Variants in EPHA6 observed in about 807,000 individuals in gnomAD.
EPHA6 encodes ephrin type-A receptor 6.
Under a neutral mutation model 112.0 loss-of-function variants are expected in EPHA6, and 50 were observed. The ratio of observed to expected loss-of-function variants is 0.45; its 90% confidence interval spans 0.36 to 0.56. The LOEUF is 0.56. Ranked by LOEUF, EPHA6 falls within the 20% of genes least tolerant of loss-of-function variation. The pLI is 0.00. For missense variants in EPHA6, 1,280 were observed against 1,417.4 expected, an observed-to-expected ratio of 0.90 and a Z score of 1.56; for synonymous variants, 529 against 490.7, an observed-to-expected ratio of 1.08 and a Z score of -1.03.
intron 3 of EPHA6, among the ~76,000 whole-genome samples, chr3:97,173,567 T>G (rs2108433271): frequency 1.3e-5 from 2 of 151,986 alleles, no homozygotes; most frequent in Admixed American, 1.3e-4. Context: ...AACTACACTC[T>G]TAATTCTACA....
intron 3 of EPHA6, among the ~76,000 whole-genome samples, chr3:97,128,367 C>A (rs906478245): frequency 3.3e-5 from 5 of 152,148 alleles, no homozygotes; most frequent in Admixed American, 6.5e-5. Context: ...TGGGTAGGTA[C>A]CAGTAATGGG....
intron 6 of EPHA6, among the ~76,000 whole-genome samples, chr3:97,432,831 A>T (rs1401622423): frequency 6.6e-6 from 1 of 152,150 alleles, no homozygotes; most frequent in Admixed American, 6.5e-5. Flanking sequence ...CTCACTCACT[A>T]TCACGAGAAC....
intron 1 of EPHA6, among the ~76,000 whole-genome samples, chr3:96,845,458 GC>G (rs2035014681): frequency 6.6e-6 from 1 of 151,926 alleles, no homozygotes; most frequent in East Asian, 1.9e-4. Flanking sequence ...CTCTGATGAT[GC>G]CTCGCTGCTG....
rs1577392203 is a variant in EPHA6 at position 97,433,988 on chromosome 3, G to C, written c.1732-14580G>C. Among the ~76,000 whole-genome samples the C allele has an allele frequency of 4.6e-5, 7 of 152,220 alleles. No homozygotes were observed. The South Asian group carries it at 1.5e-3, about 32-fold the overall frequency. Reference sequence around the variant, plus strand: ...CCAAACACCTTAAATTTTTATGTTAGACTAAGTACTTTGAATTTCAGAGAT... The same window carrying C: ...CCAAACACCTTAAATTTTTATGTTACACTAAGTACTTTGAATTTCAGAGAT... On this transcript the variant is annotated intron_variant, in intron 6 of 17. Transcript: ENST00000389672.
At chr3:96,818,992 G>A (rs895359766) in intron 1 of EPHA6, among the ~76,000 whole-genome samples, 2 of 151,824 alleles carry the variant, frequency 1.3e-5, no homozygotes, top group African/African-American at 4.8e-5. Context: ...AGCATCCAAA[G>A]TACAAAGATA....
chr3:97,229,685 T>G (rs2108551765), intron 4 of EPHA6, among the ~76,000 whole-genome samples: 1 of 152,278 alleles, frequency 6.6e-6, no homozygotes, highest in Middle Eastern at 3.4e-3. Context: ...TTTTTTAAAC[T>G]TAACTAATGC....
Position 96,975,253 on chromosome 3 carries a change from G to A in EPHA6, c.451-12077G>A, listed in dbSNP as rs555555951. Among the ~76,000 whole-genome samples, 250 of 152,172 alleles carry A rather than the reference G, an allele frequency of 1.6e-3. 1 individual carries two copies. The highest frequency in any genetic ancestry group is 5.7e-3 in the African/African-American group (238 of 41,516). On this transcript the variant is annotated intron_variant, in intron 2 of 17. Transcript: ENST00000389672. ...AGGAAGAGTTTGGGGCTGTAGACTTGGGAGGGGCAGACTTGCATATGAAGC... is the reference window on the plus strand; with the variant it reads ...AGGAAGAGTTTGGGGCTGTAGACTTAGGAGGGGCAGACTTGCATATGAAGC...
At chr3:97,226,958 G>T (rs1436831596) in intron 4 of EPHA6, among the ~76,000 whole-genome samples, 1 of 151,892 alleles carries the variant, frequency 6.6e-6, no homozygotes, top group Admixed American at 6.6e-5. Flanking sequence ...CAATATTTTT[G>T]GTTAGAAGCA....
intron 6 of EPHA6, among the ~76,000 whole-genome samples, chr3:97,415,856 G>A (rs2088081238): frequency 6.6e-6 from 1 of 151,984 alleles, no homozygotes; most frequent in Admixed American, 6.6e-5. Context: ...CAGAAACATT[G>A]GTTGAATTTG....
At chr3:97,292,535 G>A (rs920456063) in intron 5 of EPHA6, among the ~76,000 whole-genome samples, 1 of 152,210 alleles carries the variant, frequency 6.6e-6, no homozygotes, top group African/African-American at 2.4e-5. Flanking sequence ...TCCTGACGAC[G>A]GTTCAGCTCT....
intron 3 of EPHA6, among the ~76,000 whole-genome samples, chr3:97,030,478 C>A (rs184561430): frequency 1.3e-5 from 2 of 151,958 alleles, no homozygotes; most frequent in African/African-American, 4.8e-5. Flanking sequence ...GTTATGTCTC[C>A]CCTACTTCTG....
intron 10 of EPHA6, among the ~76,000 whole-genome samples, chr3:97,503,378 C>A (rs2092172815): frequency 6.6e-6 from 1 of 152,158 alleles, no homozygotes. Context: ...AAACTGTGAG[C>A]TGAAAAAGTT....
chr3:97,002,620 C>A (rs538118408), intron 3 of EPHA6, among the ~76,000 whole-genome samples: 1 of 151,586 alleles, frequency 6.6e-6, no homozygotes, highest in East Asian at 1.9e-4. Context: ...TGAGGAGATT[C>A]TGTTGAATGC....
At chr3:97,684,123 A>G (rs1250160061) in intron 14 of EPHA6, among the ~76,000 whole-genome samples, 2 of 152,144 alleles carry the variant, frequency 1.3e-5, no homozygotes, top group African/African-American at 2.4e-5. Flanking sequence ...CCCCATGAAA[A>G]TATATGTTCA....
rs777717850 is a variant in EPHA6 at position 97,226,357 on chromosome 3, T to C, written c.1208T>C (p.Val403Ala). Residue 403 changes from valine (V) to alanine (A), a missense_variant, in exon 4 of 18, where the codon GTC becomes GCC. Transcript: ENST00000389672. ...TTAACATACATGGAAGCAACTTCTG[T>C]CTGTCAGTGTGAAAAGGGTTATTTC... ...HSLTYMEATSVCQCEKGYFRA... is the reference protein window; with the variant it reads ...HSLTYMEATSACQCEKGYFRA... The C allele has an allele frequency of 1.2e-6, 2 of 1,613,814 alleles. No homozygotes were observed. The highest frequency in any genetic ancestry group is 1.7e-6 in the Non-Finnish European group (2 of 1,179,754).
chr3:97,352,051 G>A (rs1490215800), intron 5 of EPHA6, among the ~76,000 whole-genome samples: 3 of 152,188 alleles, frequency 2.0e-5, no homozygotes, highest in Non-Finnish European at 2.9e-5. Flanking sequence ...CTGTACTTAA[G>A]ACAATGATCT....
chr3:97,080,218 C>A (rs1003717554), intron 3 of EPHA6, among the ~76,000 whole-genome samples: 1 of 152,032 alleles, frequency 6.6e-6, no homozygotes, highest in Non-Finnish European at 1.5e-5. Flanking sequence ...CCTTCCCAGA[C>A]CTGGTTATAA....
chr3:96,924,851 T>C (rs1159510702), intron 2 of EPHA6, among the ~76,000 whole-genome samples: 1 of 152,194 alleles, frequency 6.6e-6, no homozygotes, highest in African/African-American at 2.4e-5. Context: ...TGAAGGAATA[T>C]TGAATTTTAT....
intron 5 of EPHA6, among the ~76,000 whole-genome samples, chr3:97,373,309 GTATA>G (rs1397979957): frequency 6.6e-6 from 1 of 152,036 alleles, no homozygotes; most frequent in African/African-American, 2.4e-5. Context: ...AAATTATCAT[GTATA>G]TGATCTCACA....
Sources: gnomAD v4.1 joint callset for allele counts (sites outside exome capture counted in the v4.1 genomes callset) on GRCh38, gnomAD v4.1.1 for gene constraint, MANE v1.5 for transcripts, NCBI Gene and HGNC (gene_info 2026-07-23, HGNC 2026-07-21) for gene names.